EYS: variants seen among roughly 807,000 people sequenced by gnomAD.
EYS encodes the protein protein eyes shut homolog.
Under a neutral mutation model 282.1 loss-of-function variants are expected in EYS, and 250 were observed. The observed-to-expected ratio is 0.89, with a 90% CI of 0.80 to 0.98. The LOEUF (loss-of-function observed/expected upper bound fraction) is 0.98. Among genes scored for constraint, EYS ranks in the 50% least tolerant of loss-of-function variants. EYS has a pLI of 0.00. For missense variants in EYS, 4,016 were observed against 3,709.0 expected (o/e 1.08, Z -2.15); for synonymous variants, 1,355 against 1,282.9 (o/e 1.06, Z -1.20).
intron 31 of EYS, among the ~76,000 whole-genome samples, chr6:64,184,835 G>T (rs1018533939): frequency 2.0e-5 from 3 of 152,146 alleles, no homozygotes; most frequent in African/African-American, 4.8e-5. Flanking sequence ...ATGTCCATCA[G>T]TAAGTCTTTA....
chr6:65,633,669 C>G (rs1766994253), intron 2 of EYS, among the ~76,000 whole-genome samples: 1 of 152,180 alleles, frequency 6.6e-6, no homozygotes, highest in South Asian at 2.1e-4. Flanking sequence ...TAGAATACAT[C>G]TACTATAATT....
At chr6:64,555,401 T>C (rs1206940611) in intron 26 of EYS, among the ~76,000 whole-genome samples, 2 of 151,834 alleles carry the variant, frequency 1.3e-5, no homozygotes, top group African/African-American at 4.8e-5. Context: ...CCAAATTTAA[T>C]TCATGTAGAA....
rs535693685 is a variant in EYS, at chr6:64,210,191, C to T, written c.6424+20401G>A. Among the ~76,000 whole-genome samples, 6 of 152,236 alleles carry T rather than the reference C, an allele frequency of 3.9e-5. No homozygotes were observed. In the South Asian group the frequency reaches 6.2e-4, roughly 16 times the overall value. ...ACAGCTTCATATCACTATGGAAAATCGATCATTAGCATTTTCCAAAAATGG... is the reference window on the plus strand; with the variant it reads ...ACAGCTTCATATCACTATGGAAAATTGATCATTAGCATTTTCCAAAAATGG... On this transcript the variant is annotated intron_variant, in intron 31 of 42. Transcript: ENST00000503581.
intron 31 of EYS, among the ~76,000 whole-genome samples, chr6:64,219,995 C>T (rs767178872): frequency 1.7e-4 from 26 of 151,906 alleles, no homozygotes; most frequent in Non-Finnish European, 2.9e-4. Flanking sequence ...AACACATGGA[C>T]ACAGGAAGGG....
chr6:63,811,857 A>G (rs1034610669), intron 36 of EYS, among the ~76,000 whole-genome samples: 7 of 152,114 alleles, frequency 4.6e-5, no homozygotes, highest in African/African-American at 1.7e-4. Flanking sequence ...TTTCTCTGCT[A>G]CCTCAACTGA....
chr6:64,592,522 A>G (rs1766445245), intron 25 of EYS, among the ~76,000 whole-genome samples: 1 of 152,192 alleles, frequency 6.6e-6, no homozygotes. Flanking sequence ...TTTTTCTTCA[A>G]GAATTCCTTG....
At chr6:65,166,606 C>CT (rs1471469436) in intron 12 of EYS, among the ~76,000 whole-genome samples, 3 of 151,142 alleles carry the variant, frequency 2.0e-5, no homozygotes, top group African/African-American at 7.2e-5. Flanking sequence ...AGAGCTAAAC[C>CT]TATAAAACTT....
At chr6:64,793,406 G>C (rs1774252451) in intron 22 of EYS, among the ~76,000 whole-genome samples, 1 of 152,076 alleles carries the variant, frequency 6.6e-6, no homozygotes, top group South Asian at 2.1e-4. Context: ...GCAGTCTTTA[G>C]GAATGCCCTA....
chr6:64,246,476 C>T (rs1582480262), intron 30 of EYS, among the ~76,000 whole-genome samples: 2 of 152,000 alleles, frequency 1.3e-5, no homozygotes, highest in East Asian at 3.9e-4. Context: ...TGTGTGATGT[C>T]TTTATGCTTT....
At chr6:65,636,795 T>C (rs1348260609) in intron 2 of EYS, among the ~76,000 whole-genome samples, 5 of 152,084 alleles carry the variant, frequency 3.3e-5, no homozygotes, top group Non-Finnish European at 5.9e-5. Context: ...ACTATATACT[T>C]TACTTTTATT....
intron 8 of EYS, among the ~76,000 whole-genome samples, chr6:65,370,366 C>T (rs543242003): frequency 8.7e-5 from 13 of 149,528 alleles, no homozygotes; most frequent in African/African-American, 2.7e-4. Flanking sequence ...AGTGATTATC[C>T]TACTCCAGCT....
intron 31 of EYS, among the ~76,000 whole-genome samples, chr6:64,174,508 A>G (rs1764569978): frequency 6.6e-6 from 1 of 151,816 alleles, no homozygotes; most frequent in Admixed American, 6.6e-5. Context: ...AAAGCTCTAA[A>G]ATTAACAATT....
chr6:64,950,390 C>T (rs1769444673), intron 14 of EYS, among the ~76,000 whole-genome samples: 1 of 151,738 alleles, frequency 6.6e-6, no homozygotes, highest in African/African-American at 2.4e-5. Context: ...AACCTAGCTA[C>T]CAAATTCTAG....
chr6:65,045,848 A>G (rs1368160510), intron 13 of EYS, among the ~76,000 whole-genome samples: 1 of 151,938 alleles, frequency 6.6e-6, no homozygotes, highest in African/African-American at 2.4e-5. Context: ...TTAGAATTTA[A>G]CAATTAGGGT....
rs577535010 is a variant in EYS, at chr6:65,371,717, C to T, written c.1299+12669G>A. ...CCTCTCTCTCTCTCTCCCTCTCTCT[C>T]TCTCTCTCTCTCTCTCTCTCTCTCT... On this transcript the variant is annotated intron_variant, in intron 8 of 42. Coordinates refer to ENST00000503581, the MANE Select transcript of EYS (RefSeq NM_001142800.2). Among the ~76,000 whole-genome samples the T allele has an allele frequency of 3.5e-5, 4 of 113,836 alleles. 1 individual carries two copies. In the East Asian group the frequency reaches 1.0e-3, roughly 28 times the overall value. The allele number at this position is 113,836 out of a possible 152,430, so 74.7% of individuals were successfully genotyped here.
chr6:64,801,651 A>G (rs559526010), intron 22 of EYS, among the ~76,000 whole-genome samples: 2 of 152,278 alleles, frequency 1.3e-5, no homozygotes, highest in African/African-American at 4.8e-5. Flanking sequence ...ATTTTATTAA[A>G]ATTCTTTTAT....
intron 24 of EYS, among the ~76,000 whole-genome samples, chr6:64,605,349 G>A (rs1446713235): frequency 2.6e-5 from 4 of 151,714 alleles, no homozygotes; most frequent in African/African-American, 4.8e-5. Context: ...GCCTGACTAC[G>A]GCCAAGTTCA....
chr6:64,140,911 C>A (rs1278174039), intron 31 of EYS, among the ~76,000 whole-genome samples: 1 of 152,044 alleles, frequency 6.6e-6, no homozygotes, highest in Non-Finnish European at 1.5e-5. Flanking sequence ...CTACTGGGAC[C>A]CTGACTCAGG....
chr6:64,670,160 A>G (rs1164331548), intron 22 of EYS, among the ~76,000 whole-genome samples: 1 of 152,060 alleles, frequency 6.6e-6, no homozygotes, highest in African/African-American at 2.4e-5. Context: ...CCAAGTTGTA[A>G]AACTCCCTCC....
Sources: allele counts gnomAD v4.1 joint callset (sites outside exome capture counted in the v4.1 genomes callset), GRCh38; gene constraint gnomAD v4.1.1; transcripts MANE v1.5; gene names NCBI Gene and HGNC (gene_info 2026-07-23, HGNC 2026-07-21).